IKBKB: variants seen among roughly 807,000 people sequenced by gnomAD.
IKBKB encodes inhibitor of nuclear factor kappa-B kinase subunit beta.
Under a neutral mutation model 113.6 loss-of-function variants are expected in IKBKB, and 42 were observed. The ratio of observed to expected loss-of-function variants is 0.37; its 90% CI spans 0.29 to 0.48. IKBKB has a LOEUF of 0.48. Ranked by LOEUF, IKBKB falls within the 20% of genes least tolerant of loss-of-function variation. The pLI, the probability that IKBKB is intolerant of heterozygous loss-of-function variation, is 0.99. For synonymous variants in IKBKB, 296 were observed against 361.3 expected (o/e 0.82, Z 2.05); for missense variants, 673 against 939.7 (o/e 0.72, Z 3.71).
intron 2 of IKBKB, among the ~76,000 whole-genome samples, chr8:42,274,055 G>C (rs1808395041): frequency 6.6e-6 from 1 of 151,866 alleles, no homozygotes; most frequent in Admixed American, 6.6e-5. Context: ...TCCGGAGACA[G>C]AGTCTCGCAC....
intron 6 of IKBKB, among the ~76,000 whole-genome samples, chr8:42,306,061 G>A (rs1351098677): frequency 1.3e-5 from 2 of 152,238 alleles, no homozygotes; most frequent in African/African-American, 4.8e-5. Flanking sequence ...TAGCTGTCTT[G>A]AGGGCTGGTG....
At chr8:42,318,466 C>A in intron 12 of IKBKB, 86 bp from the exon 13 acceptor site, 3 of 1,465,088 alleles carry the variant, frequency 2.0e-6, no homozygotes, top group Admixed American at 1.9e-5. Flanking sequence ...CGTGAAAGTG[C>A]CAGTAGTGTC....
chr8:42,307,211 G>T (rs1297525127), intron 7 of IKBKB, among the ~76,000 whole-genome samples: 1 of 152,148 alleles, frequency 6.6e-6, no homozygotes, highest in Non-Finnish European at 1.5e-5. Context: ...GTGGGGGACG[G>T]CAGGGGGAAT....
rs1563361838 is a variant in IKBKB, at chr8:42,320,823, AG to A, written c.1673del (p.Gly558GlufsTer6). ...CAGAGGAGCCCCATGGGCCGGAAGCAGGGGGGAACGCTGGACGACCTGTGAG... is the reference window on the plus strand; with the variant it reads ...CAGAGGAGCCCCATGGGCCGGAAGCAGGGGGAACGCTGGACGACCTGTGAG... Reference protein sequence around the residue: ...DLQRSPMGRKQGGTLDDLEEQ... With the variant: ...DLQRSPMGRKXGGTLDDLEEQ... On this transcript the variant is annotated frameshift_variant, in exon 16 of 22. Transcript: ENST00000520810. LOFTEE classifies it high-confidence loss of function. The A allele has an allele frequency of 1.2e-6, 2 of 1,600,750 alleles. No homozygotes were observed. Among genetic ancestry groups the A allele is most frequent in the Non-Finnish European group, 8.5e-7 (1 of 1,173,316 alleles).
chr8:42,272,230 A>T (rs916788821), intron 2 of IKBKB, 25 bp downstream of exon 2: 2 of 1,613,728 alleles, frequency 1.2e-6, no homozygotes, highest in Non-Finnish European at 1.7e-6. Context: ...CAGCTTGGGG[A>T]GGGGCGGGGA....
intron 5 of IKBKB, among the ~76,000 whole-genome samples, chr8:42,304,943 C>T (rs538478051): frequency 1.3e-5 from 2 of 152,362 alleles, no homozygotes; most frequent in Non-Finnish European, 2.9e-5. Flanking sequence ...TTGAGAAGCA[C>T]TGCTCTAGGC....
At chr8:42,297,554 C>T (rs1012338194) in intron 5 of IKBKB, among the ~76,000 whole-genome samples, 1 of 152,164 alleles carries the variant, frequency 6.6e-6, no homozygotes, top group African/African-American at 2.4e-5. Flanking sequence ...AGGATTTTTC[C>T]ACTGAATTTC....
At chr8:42,294,764 C>G (rs537071896) in intron 5 of IKBKB, among the ~76,000 whole-genome samples, 139 of 152,320 alleles carry the variant, frequency 9.1e-4, no homozygotes, top group African/African-American at 3.2e-3. Flanking sequence ...ACATGGCCCG[C>G]ATGAGTCTCT....
chr8:42,331,278 G>T lies in IKBKB; in HGVS notation c.*299G>T. ...AGGTCCTCCATTACAGAGGCCCAGC[G>T]CACATCGCTGGCCCCACAAACGTTC... On this transcript the variant is annotated 3_prime_UTR_variant, in exon 22 of 22. Coordinates refer to ENST00000520810, the MANE Select transcript of IKBKB (RefSeq NM_001556.3). 2 of 702,080 alleles carry T rather than the reference G, an allele frequency of 2.8e-6. No individual in the cohort carries two copies. Among genetic ancestry groups the T allele is most frequent in the Non-Finnish European group, 5.2e-6 (2 of 385,308 alleles). The allele number at this position is 702,080 out of a possible 1,614,324, so 43.5% of individuals were successfully genotyped here. A position where few individuals can be genotyped will look rare whatever the true frequency, so the allele number is the denominator to read the frequency against.
At chr8:42,278,464 A>G (rs1809651697) in intron 2 of IKBKB, among the ~76,000 whole-genome samples, 1 of 152,176 alleles carries the variant, frequency 6.6e-6, no homozygotes. Flanking sequence ...CAGCTCTCGG[A>G]AGAAATGCCT....
intron 5 of IKBKB, among the ~76,000 whole-genome samples, chr8:42,301,615 T>A (rs1022977711): frequency 2.6e-5 from 4 of 152,242 alleles, no homozygotes; most frequent in Non-Finnish European, 4.4e-5. Flanking sequence ...TTTATTAAGT[T>A]GACAGAGGTA....
At chr8:42,320,664 C>A in intron 15 of IKBKB, 71 bp from the exon 16 acceptor site, 1 of 1,281,954 alleles carries the variant, frequency 7.8e-7, no homozygotes, top group East Asian at 2.3e-5. Flanking sequence ...CCTGGTCTCG[C>A]TCCCCCGCAG....
chr8:42,322,870 T>C (rs897174578), intron 19 of IKBKB, among the ~76,000 whole-genome samples: 12 of 152,092 alleles, frequency 7.9e-5, no homozygotes, highest in Admixed American at 7.9e-4. Flanking sequence ...TGAGCTGTGA[T>C]CATGCCACTG....
chr8:42,317,800 A>G (rs1563355736), intron 12 of IKBKB, 29 bp downstream of exon 12: 2 of 1,478,066 alleles, frequency 1.4e-6, no homozygotes, highest in Admixed American at 1.7e-5. Flanking sequence ...TTGTTTTTCT[A>G]AATAATCCGT....
At position 42,314,309 on chromosome 8, in the gene IKBKB, T is replaced by C. The variant is rs372544012; in HGVS notation, c.693-13T>C. 6.3e-7 allele frequency: 1 copy of C among 1,591,768 alleles called. No homozygotes were observed. On this transcript the variant is annotated splice_polypyrimidine_tract_variant and intron_variant, in intron 8 of 21. Coordinates refer to ENST00000520810, the MANE Select transcript of IKBKB (RefSeq NM_001556.3). ...CAACGTGTGACTGCACCTAACAAGA[T>C]TCATATTTGCAGGCATTCAAAAGTG...
At chr8:42,299,380 C>G (rs1642479532) in intron 5 of IKBKB, among the ~76,000 whole-genome samples, 1 of 152,212 alleles carries the variant, frequency 6.6e-6, no homozygotes, top group Non-Finnish European at 1.5e-5. Context: ...AGGGCACTTC[C>G]ATCACAGTCC....
At position 42,275,061 on chromosome 8, in the gene IKBKB, G is replaced by C. The variant is rs561821145; in HGVS notation, c.105+2856G>C. On this transcript the variant is annotated intron_variant, in intron 2 of 21. Coordinates refer to ENST00000520810, the MANE Select transcript of IKBKB (RefSeq NM_001556.3). ...CTGGCTAATTTTTGTATTTTTAGTA[G>C]AGACAGGGTTTTACCATGTTGGCCA... Among the ~76,000 whole-genome samples the C allele has an allele frequency of 2.6e-5, 4 of 151,966 alleles. No homozygotes were observed. The East Asian group carries it at 7.7e-4, about 29-fold the overall frequency.
intron 6 of IKBKB, among the ~76,000 whole-genome samples, chr8:42,305,936 G>A (rs977894666): frequency 1.3e-5 from 2 of 152,250 alleles, no homozygotes; most frequent in Non-Finnish European, 2.9e-5. Context: ...GACTACCACA[G>A]GGCTCGCCCT....
rs1807808097 is a variant in IKBKB, at chr8:42,271,789, G to A, written c.-18-294G>A. The A allele has an allele frequency of 7.8e-6, 4 of 515,032 alleles. No individual in the cohort carries two copies. In the African/African-American group the frequency reaches 8.0e-5, roughly 10 times the overall value. 31.9% of individuals were successfully genotyped at this position (515,032 alleles called of 1,614,324 possible). On this transcript the variant is annotated intron_variant, in intron 1 of 21. Coordinates refer to ENST00000520810, the MANE Select transcript of IKBKB (RefSeq NM_001556.3). ...AGGCGGGCAGGCCCGGGCGCCCCTG[G>A]TGGAGTCAGCTGGGGATCCCCTCGC... is the stretch of plus-strand genomic sequence containing the variant.
Sources: allele counts gnomAD v4.1 joint callset (sites outside exome capture counted in the v4.1 genomes callset), GRCh38; gene constraint gnomAD v4.1.1; transcripts MANE v1.5; gene names NCBI Gene and HGNC (gene_info 2026-07-23, HGNC 2026-07-21).